GSTK1: variants seen among roughly 807,000 people sequenced by gnomAD.
GSTK1 encodes the protein glutathione S-transferase kappa 1.
GSTK1 carries 25 observed loss-of-function variants against 30.9 expected under a neutral mutation model. The observed-to-expected ratio is 0.81, with a 90% CI of 0.59 to 1.13. The LOEUF is 1.13. Ranked by LOEUF, GSTK1 falls within the 50% of genes most tolerant of loss-of-function variation. GSTK1 has a pLI of 0.00. For synonymous variants in GSTK1, 108 were observed against 112.5 expected (o/e 0.96, Z 0.25); for missense variants, 292 against 292.4 (o/e 1.00, Z 0.01).
At chr7:143,266,824 T>C (rs567077705) in intron 5 of GSTK1, among the ~76,000 whole-genome samples, 1 of 151,894 alleles carries the variant, frequency 6.6e-6, no homozygotes, top group East Asian at 1.9e-4. Flanking sequence ...CCATGCCTAA[T>C]TTTTTAAAAA....
Position 143,267,610 on chromosome 7 carries a change from C to G in GSTK1, c.421-7C>G. On this transcript the variant is annotated splice_polypyrimidine_tract_variant and splice_region_variant and intron_variant, in intron 5 of 7. Coordinates refer to ENST00000358406, the MANE Select transcript of GSTK1 (RefSeq NM_015917.3). ...ACACAGTTGTATTCCCTACTATATT[C>G]CCTTAGGCTGCAGAGAAGGCTGGTA... 6.3e-7 allele frequency: 1 copy of G among 1,596,072 alleles called. No homozygotes were observed. Among genetic ancestry groups the G allele is most frequent in the South Asian group, 1.1e-5 (1 of 90,666 alleles).
At chr7:143,265,739 A>G (rs892790502) in intron 5 of GSTK1, among the ~76,000 whole-genome samples, 3 of 152,180 alleles carry the variant, frequency 2.0e-5, no homozygotes, top group Admixed American at 6.5e-5. Context: ...CCTGAGTGAG[A>G]ACAAATGGAA....
At chr7:143,265,218 C>T in intron 4 of GSTK1, 43 bp from the exon 5 acceptor site, 1 of 1,605,470 alleles carries the variant, frequency 6.2e-7, no homozygotes, top group South Asian at 1.1e-5. Context: ...CAGTCACACC[C>T]CTCTCCCCGC....
intron 3 of GSTK1, 23 bp downstream of exon 3, chr7:143,264,699 A>G: frequency 6.2e-7 from 1 of 1,613,552 alleles, no homozygotes; most frequent in Non-Finnish European, 8.5e-7. Context: ...GGATGTAGAC[A>G]GGGTATCCAG....
In GSTK1 at chr7:143,264,433, AAAC is replaced by A. The variant is rs1164023319; in HGVS notation, c.155-109_155-107del. On this transcript the variant is annotated intron_variant, in intron 2 of 7. Coordinates refer to ENST00000358406, the MANE Select transcript of GSTK1 (RefSeq NM_015917.3). Reference sequence around the variant, plus strand: ...CACTCCAGCCTGGGCAACAAGAGCGAAACAACAAGAGAAAAAAAAGGAAGCTGC... The same window carrying A: ...CACTCCAGCCTGGGCAACAAGAGCGAAACAAGAGAAAAAAAAGGAAGCTGC... 523 of 1,113,844 alleles carry A rather than the reference AAAC, an allele frequency of 4.7e-4. 2 individuals carry two copies. The highest frequency in any genetic ancestry group is 3.6e-3 in the Middle Eastern group (12 of 3,340). 69.0% of individuals were successfully genotyped at this position (1,113,844 alleles called of 1,614,324 possible).
In GSTK1 at chr7:143,264,162, A is replaced by G; in HGVS notation, c.149A>G (p.Asp50Gly). Residue 50 changes from aspartate to glycine, a missense_variant, in exon 2 of 8, where the codon GAC (aspartate) becomes GGC (glycine). Asp to Gly is a moderately conservative substitution (Grantham distance 94). Transcript: ENST00000358406. ...RPSLITGIMK[D>G]SGNKPPGLLP... Reference sequence around the variant, plus strand: ...AGCCTCATAACAGGGATCATGAAAGACAGTGGTAGGAAGGGAGGGTCGGGG... The same window carrying G: ...AGCCTCATAACAGGGATCATGAAAGGCAGTGGTAGGAAGGGAGGGTCGGGG... 1 of 1,613,762 alleles carries G rather than the reference A, an allele frequency of 6.2e-7. No individual in the cohort carries two copies. The highest frequency in any genetic ancestry group is 8.5e-7 in the Non-Finnish European group (1 of 1,179,732).
intron 5 of GSTK1, among the ~76,000 whole-genome samples, chr7:143,266,442 T>C (rs942600119): frequency 6.6e-6 from 1 of 152,036 alleles, no homozygotes; most frequent in Non-Finnish European, 1.5e-5. Flanking sequence ...ACATTTTGTG[T>C]AGGACATAAT....
In GSTK1 at chr7:143,265,021, G is replaced by A. The variant is rs200469041; in HGVS notation, c.313G>A (p.Ala105Thr). 24 of 1,614,112 alleles carry A rather than the reference G, an allele frequency of 1.5e-5. No homozygotes were observed. The East Asian group carries it at 3.8e-4, about 25-fold the overall frequency. ...TTTGTCTGCCATGCGTTTCCTCACC[G>A]CCGTGAACTTGGAGCATCCAGAGAT... ...GSLSAMRFLTAVNLEHPEMLE... is the reference protein window; with the variant it reads ...GSLSAMRFLTTVNLEHPEMLE... The change falls in exon 4 of 8, where the codon GCC (alanine) becomes ACC (threonine). Residue 105 changes from alanine to threonine, a missense_variant. Transcript: ENST00000358406.
At chr7:143,263,931 T>G in intron 1 of GSTK1, 155 bp from the exon 2 acceptor site, 1 of 657,594 alleles carries the variant, frequency 1.5e-6, no homozygotes, top group Non-Finnish European at 2.7e-6. Flanking sequence ...GGAATAGATT[T>G]CTAGTAGTGA....
chr7:143,264,757 C>T, intron 3 of GSTK1, 81 bp downstream of exon 3: 1 of 1,552,610 alleles, frequency 6.4e-7, no homozygotes, highest in South Asian at 1.1e-5. Flanking sequence ...GATGGAGGGG[C>T]TGCGGGAGAC....
At position 143,268,231 on chromosome 7, in the gene GSTK1, G is replaced by T. The variant is rs770559589; in HGVS notation, c.631+47G>T. On this transcript the variant is annotated intron_variant, in intron 7 of 7. Transcript: ENST00000358406. This position sits in a 1 kb window ranked among gnomAD's most constrained non-coding sequence, Gnocchi z 4.1. Reference sequence around the variant, plus strand: ...CCCTGAGCCAGGTGCAGTGGCTCACGCCTGTAATCCCAGCACTTTGGTAGG... The same window carrying T: ...CCCTGAGCCAGGTGCAGTGGCTCACTCCTGTAATCCCAGCACTTTGGTAGG... 3 of 1,451,800 alleles carry T rather than the reference G, an allele frequency of 2.1e-6. No homozygotes were observed. Among genetic ancestry groups the T allele is most frequent in the African/African-American group, 1.4e-5 (1 of 71,602 alleles). 89.9% of individuals were successfully genotyped at this position (1,451,800 alleles called of 1,614,324 possible).
chr7:143,263,735 A>T (rs1800782796), intron 1 of GSTK1, 150 bp downstream of exon 1: 1 of 691,224 alleles, frequency 1.4e-6, no homozygotes, highest in Non-Finnish European at 2.4e-6. Context: ...GCTGAAGGTC[A>T]CTTTGTGCTT....
At chr7:143,264,431 C>G in intron 2 of GSTK1, 117 bp from the exon 3 acceptor site, 1 of 1,092,950 alleles carries the variant, frequency 9.1e-7, no homozygotes, top group Non-Finnish European at 1.3e-6. Context: ...GCAACAAGAG[C>G]GAAACAACAA....
rs1037503173 is a variant in GSTK1, at chr7:143,268,264, G to A, written c.631+80G>A. On this transcript the variant is annotated intron_variant, in intron 7 of 7. Transcript: ENST00000358406. This position sits in a 1 kb window ranked among gnomAD's most constrained non-coding sequence, Gnocchi z 4.1. ...TCCCAGCACTTTGGTAGGCTGAGGC[G>A]AGCAGAGCACGAGTTCAGGAGATTA... is the stretch of plus-strand genomic sequence containing the variant. 7.3e-5 allele frequency: 76 copies of A among 1,041,922 alleles called. No individual in the cohort carries two copies. The highest frequency in any genetic ancestry group is 4.7e-4 in the Middle Eastern group (2 of 4,270). The allele number at this position is 1,041,922 out of a possible 1,614,324, so 64.5% of individuals were successfully genotyped here.
At chr7:143,265,835 G>A (rs1251130740) in intron 5 of GSTK1, among the ~76,000 whole-genome samples, 2 of 151,874 alleles carry the variant, frequency 1.3e-5, no homozygotes, top group Non-Finnish European at 2.9e-5. Context: ...ATTCAAAACA[G>A]TATTATTCCT....
rs746330048 is a variant in GSTK1 at position 143,263,519 on chromosome 7, G to GC, written c.10dup (p.Leu4ProfsTer10). 9 of 1,609,932 alleles carry GC rather than the reference G, an allele frequency of 5.6e-6. No homozygotes were observed. Among genetic ancestry groups the GC allele is most frequent in the South Asian group, 1.1e-5 (1 of 91,078 alleles). Reference sequence around the variant, plus strand: ...GCTCTTCCGGAGCCTGCAGCATGGGGCCCCTGCCGCGCACCGTGGAGCTCT... The same window carrying GC: ...GCTCTTCCGGAGCCTGCAGCATGGGGCCCCCTGCCGCGCACCGTGGAGCTCT... On this transcript the variant is annotated frameshift_variant, in exon 1 of 8. Transcript: ENST00000358406. LOFTEE classifies it high-confidence loss of function.
intron 2 of GSTK1, 35 bp downstream of exon 2, chr7:143,264,202 G>A (rs370940311): frequency 4.1e-5 from 65 of 1,581,762 alleles, no homozygotes; most frequent in Middle Eastern, 1.7e-4. Context: ...GGTGATCTCA[G>A]TGGCCCAAGA....
chr7:143,268,185 G>T lies in GSTK1; in HGVS notation c.631+1G>T, dbSNP rs763116400. On this transcript the variant is annotated splice_donor_variant, in intron 7 of 7. Coordinates refer to ENST00000358406, the MANE Select transcript of GSTK1 (RefSeq NM_015917.3). LOFTEE classifies it high-confidence loss of function. The surrounding 1 kb of genome is among the most constrained non-coding windows in gnomAD (Gnocchi z 4.1). ...ATGGAGCTGCTGGCGCACCTGCTGG[G>T]TAAGTAAGTTAAAGAATCAACCCTG... 1 of 1,612,344 alleles carries T rather than the reference G, an allele frequency of 6.2e-7. No homozygotes were observed. Among genetic ancestry groups the T allele is most frequent in the African/African-American group, 1.3e-5 (1 of 74,846 alleles).
rs776115997 is a variant in GSTK1, at chr7:143,268,832, C to CT, written c.679dup (p.Ter227LeufsTer12). 1.2e-6 allele frequency: 2 copies of CT among 1,613,778 alleles called. No homozygotes were observed. Among genetic ancestry groups the CT allele is most frequent in the African/African-American group, 1.3e-5 (1 of 74,892 alleles). ...TATACCTCCAGCCGTGAATGCCAGACTTTAAGATTGCCCGGAGGAAGCAAA... is the reference window on the plus strand; with the variant it reads ...TATACCTCCAGCCGTGAATGCCAGACTTTTAAGATTGCCCGGAGGAAGCAAA... On this transcript the variant is annotated frameshift_variant, in exon 8 of 8. Coordinates refer to ENST00000358406, the MANE Select transcript of GSTK1 (RefSeq NM_015917.3). LOFTEE classifies it high-confidence loss of function. The surrounding 1 kb of genome is among the most constrained non-coding windows in gnomAD (Gnocchi z 4.1).
Sources: gnomAD v4.1 joint callset for allele counts (sites outside exome capture counted in the v4.1 genomes callset) on GRCh38, gnomAD v4.1.1 for gene constraint, Gnocchi (gnomAD v3.1) non-coding constraint, MANE v1.5 for transcripts, NCBI Gene and HGNC (gene_info 2026-07-23, HGNC 2026-07-21) for gene names.